EYS: variants seen among roughly 807,000 people sequenced by gnomAD.
EYS encodes the protein protein eyes shut homolog.
A neutral mutation model predicts 282.1 loss-of-function variants in EYS; 250 were observed. The ratio of observed to expected loss-of-function variants is 0.89; its 90% CI spans 0.80 to 0.98. The LOEUF (loss-of-function observed/expected upper bound fraction) is 0.98, where lower values mean the gene tolerates loss of function less well. Ranked by LOEUF, EYS falls within the 50% of genes least tolerant of loss-of-function variation. EYS has a pLI of 0.00. For synonymous variants in EYS, 1,355 were observed against 1,282.9 expected, an observed-to-expected ratio of 1.06 and a Z score of -1.20; for missense variants, 4,016 against 3,709.0, an observed-to-expected ratio of 1.08 and a Z score of -2.15.
intron 30 of EYS, among the ~76,000 whole-genome samples, chr6:64,234,610 G>T (rs1487762685): frequency 6.6e-6 from 1 of 151,992 alleles, no homozygotes; most frequent in Admixed American, 6.6e-5. Flanking sequence ...ATTTTTAATA[G>T]ATACAGAATT....
chr6:65,672,268 T>A (rs759254156), intron 1 of EYS, among the ~76,000 whole-genome samples: 2 of 152,046 alleles, frequency 1.3e-5, no homozygotes, highest in Non-Finnish European at 2.9e-5. Context: ...GCTGGCATAC[T>A]CTAAATGCCT....
intron 36 of EYS, among the ~76,000 whole-genome samples, chr6:63,828,780 T>A (rs1175517686): frequency 2.0e-5 from 3 of 152,194 alleles, no homozygotes; most frequent in Non-Finnish European, 4.4e-5. Flanking sequence ...CCTGCAAGAA[T>A]GGCCATAATA....
At chr6:65,580,819 AAAACTTCAAG>A in intron 2 of EYS, among the ~76,000 whole-genome samples, 1 of 152,046 alleles carries the variant, frequency 6.6e-6, no homozygotes, top group Non-Finnish European at 1.5e-5. Context: ...ACTTCATCCT[AAAACTTCAAG>A]TGTCATGTCT....
chr6:64,388,906 T>G, intron 28 of EYS, 66 bp from the exon 29 acceptor site: 1 of 1,003,664 alleles, frequency 1.0e-6, no homozygotes, highest in Non-Finnish European at 1.4e-6. Flanking sequence ...GACAAATTAA[T>G]TAAACTATTA....
chr6:65,166,538 C>T (rs1764975858), intron 12 of EYS, among the ~76,000 whole-genome samples: 1 of 151,012 alleles, frequency 6.6e-6, no homozygotes, highest in Admixed American at 6.6e-5. Flanking sequence ...TAAAGTTGGA[C>T]CCTTATCTCA....
intron 22 of EYS, among the ~76,000 whole-genome samples, chr6:64,752,489 T>C (rs1465129312): frequency 6.6e-6 from 1 of 152,090 alleles, no homozygotes; most frequent in Non-Finnish European, 1.5e-5. Context: ...AAACACTGCA[T>C]TCAAAAAATA....
rs897660991 is a variant in EYS, at chr6:63,864,216, A to G, written c.7198T>C (p.Tyr2400His). The change falls in exon 36 of 43, where the codon TAT becomes CAT. Residue 2400 changes from tyrosine (Y) to histidine (H), a missense_variant. By Grantham distance (83) the Tyr-to-His change is moderately conservative. Transcript: ENST00000503581. ...SGTDIVCLCP[Y>H]GRSGPLCTDA... ...GTGCAGAGGGGTCCAGACCTCCCAT[A>G]TGGGCAGAGGCAGACAATATCTGTT... is the stretch of plus-strand genomic sequence containing the variant. The G allele has an allele frequency of 1.9e-6, 3 of 1,547,116 alleles. No individual in the cohort carries two copies. The highest frequency in any genetic ancestry group is 1.4e-5 in the African/African-American group (1 of 73,068).
chr6:65,313,026 C>T (rs993451162), intron 11 of EYS, among the ~76,000 whole-genome samples: 25 of 152,140 alleles, frequency 1.6e-4, no homozygotes, highest in Non-Finnish European at 2.4e-4. Context: ...CCTACTGTTT[C>T]GTGGAACACC....
At chr6:64,948,302 C>T (rs565770061) in intron 14 of EYS, among the ~76,000 whole-genome samples, 1 of 151,288 alleles carries the variant, frequency 6.6e-6, no homozygotes. Flanking sequence ...GATTCAAAAG[C>T]ATTTTCCTCA....
At chr6:64,459,690 AG>A (rs1238988239) in intron 26 of EYS, among the ~76,000 whole-genome samples, 1 of 152,142 alleles carries the variant, frequency 6.6e-6, no homozygotes, top group African/African-American at 2.4e-5. Flanking sequence ...CATGGGAAAA[AG>A]ATGAATGCTG....
In EYS at chr6:63,976,753, C is replaced by T. The variant is rs146608540; in HGVS notation, c.7055+7630G>A. Among the ~76,000 whole-genome samples, 730 of 151,946 alleles carry T rather than the reference C, an allele frequency of 4.8e-3. 22 individuals carry two copies. In the East Asian group the frequency reaches 0.065, roughly 13 times the overall value. On this transcript the variant is annotated intron_variant, in intron 35 of 42. Transcript: ENST00000503581. ...TGTTTATAACTTTTTGAAAATTAAA[C>T]TTTGACACTGGGTTTGAATTATCTT...
chr6:64,968,239 A>G lies in EYS; in HGVS notation c.2260-22325T>C, dbSNP rs549857154. 1.4e-4 allele frequency among the ~76,000 whole-genome samples: 21 copies of G among 152,276 alleles called. No individual in the cohort carries two copies. The East Asian group carries it at 4.1e-3, about 29-fold the overall frequency. On this transcript the variant is annotated intron_variant, in intron 14 of 42. Coordinates refer to ENST00000503581, the MANE Select transcript of EYS (RefSeq NM_001142800.2). ...CAGTAAAAAAATGTATATAAAACAC[A>G]TCTGTTAACACTTGACCCAAGATTT... is the stretch of plus-strand genomic sequence containing the variant.
At chr6:65,490,557 A>T (rs1562218086) in intron 5 of EYS, 37 bp downstream of exon 5, 1 of 1,055,452 alleles carries the variant, frequency 9.5e-7, no homozygotes, top group Non-Finnish European at 1.5e-6. Flanking sequence ...AATTAAAGTT[A>T]CTTGTGTATA....
intron 5 of EYS, 23 bp from the exon 6 acceptor site, chr6:65,405,390 A>AAAG: frequency 6.5e-7 from 1 of 1,530,268 alleles, no homozygotes; most frequent in Middle Eastern, 1.8e-4. Context: ...ACACACAAGA[A>AAAG]AAAAAAAGAA....
chr6:64,285,221 C>T (rs912720666), intron 30 of EYS, among the ~76,000 whole-genome samples: 1 of 150,710 alleles, frequency 6.6e-6, no homozygotes, highest in African/African-American at 2.5e-5. Flanking sequence ...TTCCAAATCA[C>T]CTCTTGAATG....
rs942209917 is a variant in EYS at position 65,202,325 on chromosome 6, G to A, written c.2023+93538C>T. Reference sequence around the variant, plus strand: ...TGGCTGATATTTAATAATAGAATGGGTACAAAATAACTTGGAAAATTATAC... The same window carrying A: ...TGGCTGATATTTAATAATAGAATGGATACAAAATAACTTGGAAAATTATAC... On this transcript the variant is annotated intron_variant, in intron 12 of 42. Coordinates refer to ENST00000503581, the MANE Select transcript of EYS (RefSeq NM_001142800.2). 3.3e-5 allele frequency among the ~76,000 whole-genome samples: 5 copies of A among 151,944 alleles called. 1 individual carries two copies. The highest frequency in any genetic ancestry group is 1.2e-4 in the African/African-American group (5 of 41,338).
At chr6:65,425,921 T>G (rs1360022104) in intron 5 of EYS, among the ~76,000 whole-genome samples, 1 of 152,098 alleles carries the variant, frequency 6.6e-6, no homozygotes, top group Non-Finnish European at 1.5e-5. Flanking sequence ...CTCAAGTGCA[T>G]GTAACCAAAC....
chr6:64,608,519 G>A (rs529418107), intron 24 of EYS, among the ~76,000 whole-genome samples: 2 of 152,292 alleles, frequency 1.3e-5, no homozygotes, highest in Admixed American at 6.5e-5. Context: ...CAGTTTCTAA[G>A]TAAACATACT....
intron 24 of EYS, among the ~76,000 whole-genome samples, chr6:64,605,262 T>A (rs1766890133): frequency 6.6e-6 from 1 of 151,918 alleles, no homozygotes; most frequent in Non-Finnish European, 1.5e-5. Flanking sequence ...GAAGTGCCAA[T>A]GGCCTTCTTA....
Sources: allele counts gnomAD v4.1 joint callset (sites outside exome capture counted in the v4.1 genomes callset), GRCh38; gene constraint gnomAD v4.1.1; transcripts MANE v1.5; gene names NCBI Gene and HGNC (gene_info 2026-07-23, HGNC 2026-07-21).